Variants in PTPN1 observed in about 807,000 individuals in gnomAD.
PTPN1 encodes protein tyrosine phosphatase non-receptor type 1.
In PTPN1, 12 loss-of-function variants were observed where a neutral mutation model predicts 59.9. The observed-to-expected ratio is 0.20, with a 90% CI of 0.13 to 0.32. The LOEUF (loss-of-function observed/expected upper bound fraction) is 0.32. Ranked by LOEUF, PTPN1 falls within the 10% of genes least tolerant of loss-of-function variation. PTPN1 has a pLI of 1.00. For missense variants in PTPN1, 356 were observed against 549.2 expected, an observed-to-expected ratio of 0.65 and a Z score of 3.52; for synonymous variants, 178 against 203.6, an observed-to-expected ratio of 0.87 and a Z score of 1.07.
At chr20:50,515,615 G>A (rs888373038) in intron 1 of PTPN1, among the ~76,000 whole-genome samples, 1 of 152,082 alleles carries the variant, frequency 6.6e-6, no homozygotes, top group African/African-American at 2.4e-5. Flanking sequence ...TATATCCCAG[G>A]TCTATCTCCA....
chr20:50,582,586 C>A lies in PTPN1; in HGVS notation c.1285-106C>A. 1 of 1,167,224 alleles carries A rather than the reference C, an allele frequency of 8.6e-7. No homozygotes were observed. The highest frequency in any genetic ancestry group is 1.2e-6 in the Non-Finnish European group (1 of 801,510). 72.3% of individuals were successfully genotyped at this position (1,167,224 alleles called of 1,614,324 possible). A position where few individuals can be genotyped will look rare whatever the true frequency, so the allele number is the denominator to read the frequency against. On this transcript the variant is annotated intron_variant, in intron 9 of 9. Coordinates refer to ENST00000371621, the MANE Select transcript of PTPN1 (RefSeq NM_002827.4). The surrounding 1 kb of genome is among the most constrained non-coding windows in gnomAD (Gnocchi z 4.2). ...AAATAAAACCAAAACCCCCTTTGCT[C>A]CCTCGGAGGTTGAAGTTGCCGGGGG...
Position 50,584,389 on chromosome 20 carries a change from G to T in PTPN1, c.*1674G>T, listed in dbSNP as rs957311077. 6.6e-6 allele frequency: 1 copy of T among 152,516 alleles called. No homozygotes were observed. The highest frequency in any genetic ancestry group is 2.4e-5 in the African/African-American group (1 of 41,388). The allele number at this position is 152,516 out of a possible 1,614,324, so 9.4% of individuals were successfully genotyped here. On this transcript the variant is annotated 3_prime_UTR_variant, in exon 10 of 10. Transcript: ENST00000371621. ...TATATAGTAGCATTTCAAAATGGAC[G>T]TACTGGTTTAACCTCCTATCCTTGG...
intron 1 of PTPN1, among the ~76,000 whole-genome samples, chr20:50,543,852 CT>C (rs1040620183): frequency 2.2e-4 from 32 of 148,004 alleles, no homozygotes; most frequent in East Asian, 1.4e-3. Context: ...AACTTTTAAA[CT>C]TTTTTTTTTT....
At chr20:50,554,065 A>C (rs1408194992) in intron 1 of PTPN1, among the ~76,000 whole-genome samples, 3 of 152,192 alleles carry the variant, frequency 2.0e-5, no homozygotes, top group Non-Finnish European at 2.9e-5. Flanking sequence ...AAGCCTACAG[A>C]TTCAAGCATT....
chr20:50,567,532 G>A (rs891004573), intron 3 of PTPN1, among the ~76,000 whole-genome samples: 2 of 152,224 alleles, frequency 1.3e-5, no homozygotes, highest in African/African-American at 4.8e-5. Flanking sequence ...TGATGTGGAG[G>A]TGATAGGCAA....
chr20:50,550,884 T>A (rs1326371890), intron 1 of PTPN1, among the ~76,000 whole-genome samples: 1 of 152,236 alleles, frequency 6.6e-6, no homozygotes, highest in East Asian at 1.9e-4. Context: ...CACCCAGTTG[T>A]GGACCGAGGA....
intron 1 of PTPN1, among the ~76,000 whole-genome samples, chr20:50,539,463 C>G (rs553055167): frequency 1.3e-5 from 2 of 152,108 alleles, no homozygotes; most frequent in African/African-American, 4.8e-5. Context: ...ATTTTAAGGC[C>G]ATTTGGTCTG....
chr20:50,519,908 T>C (rs1408478251), intron 1 of PTPN1, among the ~76,000 whole-genome samples: 1 of 152,228 alleles, frequency 6.6e-6, no homozygotes, highest in Non-Finnish European at 1.5e-5. Context: ...CTAATTTTAG[T>C]CTCTTTTTAC....
chr20:50,539,601 G>A (rs930083556), intron 1 of PTPN1, among the ~76,000 whole-genome samples: 1 of 146,826 alleles, frequency 6.8e-6, no homozygotes, highest in African/African-American at 2.5e-5. Flanking sequence ...GTGACTTAGG[G>A]TTTTTTGTCT....
intron 5 of PTPN1, chr20:50,578,179 T>C (rs2082846559): frequency 2.0e-6 from 1 of 504,022 alleles, no homozygotes. Flanking sequence ...GTGAGGGGAC[T>C]CTTCAATCCG....
intron 4 of PTPN1, chr20:50,573,021 C>T (rs1184612717): frequency 6.6e-6 from 1 of 152,224 alleles, no homozygotes; most frequent in African/African-American, 2.4e-5. Context: ...TCTGGTCTGG[C>T]ACTGTGAAGT....
At chr20:50,548,640 A>G (rs561238087) in intron 1 of PTPN1, among the ~76,000 whole-genome samples, 5 of 152,202 alleles carry the variant, frequency 3.3e-5, no homozygotes, top group Non-Finnish European at 7.4e-5. Flanking sequence ...TCCTGGGCTC[A>G]TGTGATCTGC....
intron 8 of PTPN1, among the ~76,000 whole-genome samples, 155 bp from the exon 9 acceptor site, chr20:50,581,110 C>T (rs1368713955): frequency 1.3e-5 from 2 of 152,168 alleles, no homozygotes; most frequent in African/African-American, 4.8e-5. Flanking sequence ...GGCCCTCCCT[C>T]CAAGCAGAGG....
Position 50,582,574 on chromosome 20 carries a change from A to C in PTPN1, c.1285-118A>C. On this transcript the variant is annotated intron_variant, in intron 9 of 9. Transcript: ENST00000371621. The surrounding 1 kb of genome is among the most constrained non-coding windows in gnomAD (Gnocchi z 4.2). ...GGCTACTGTAAAAAATAAAACCAAA[A>C]CCCCCTTTGCTCCCTCGGAGGTTGA... The C allele has an allele frequency of 9.8e-7, 1 of 1,022,880 alleles. No homozygotes were observed. The highest frequency in any genetic ancestry group is 1.4e-6 in the Non-Finnish European group (1 of 690,486). The allele number at this position is 1,022,880 out of a possible 1,614,324, so 63.4% of individuals were successfully genotyped here.
At chr20:50,564,587 C>CT (rs2122781955) in intron 2 of PTPN1, among the ~76,000 whole-genome samples, 1 of 151,986 alleles carries the variant, frequency 6.6e-6, no homozygotes, top group East Asian at 1.9e-4. Context: ...GAGTGAGACT[C>CT]TTGACTCAAA....
rs112760641 is a variant in PTPN1, at chr20:50,510,459, C to T, written c.-69C>T. On this transcript the variant is annotated 5_prime_UTR_variant, in exon 1 of 10. Coordinates refer to ENST00000371621, the MANE Select transcript of PTPN1 (RefSeq NM_002827.4). ...GCAGCGGGCCTCGGGGCTAAGAGCG[C>T]GACGCGGCCTAGAGCGGCAGACGGC... The T allele has an allele frequency of 6.8e-4, 1,028 of 1,518,132 alleles. 1 individual carries two copies. The African/African-American group carries it at 8.5e-3, about 13-fold the overall frequency. The allele number at this position is 1,518,132 out of a possible 1,614,324, so 94.0% of individuals were successfully genotyped here.
Position 50,510,598 on chromosome 20 carries a change from A to G in PTPN1, c.63+8A>G. 3 of 1,550,518 alleles carry G rather than the reference A, an allele frequency of 1.9e-6. No individual in the cohort carries two copies. The highest frequency in any genetic ancestry group is 2.6e-6 in the Non-Finnish European group (3 of 1,146,450). ...TGGGCGGCCATTTACCAGGTGCGGGAGCGCCCCGGAGCGTGGCGGGCCCTT... is the reference window on the plus strand; with the variant it reads ...TGGGCGGCCATTTACCAGGTGCGGGGGCGCCCCGGAGCGTGGCGGGCCCTT... On this transcript the variant is annotated splice_region_variant and intron_variant, in intron 1 of 9. Coordinates refer to ENST00000371621, the MANE Select transcript of PTPN1 (RefSeq NM_002827.4).
At chr20:50,579,547 T>C (rs1163873079) in intron 7 of PTPN1, among the ~76,000 whole-genome samples, 156 bp from the exon 8 acceptor site, 2 of 152,238 alleles carry the variant, frequency 1.3e-5, no homozygotes, top group African/African-American at 4.8e-5. Context: ...AGACGAGACT[T>C]TATTTTCAAA....
chr20:50,572,504 AG>A, intron 4 of PTPN1: 1 of 152,334 alleles, frequency 6.6e-6, no homozygotes, highest in East Asian at 1.9e-4. Flanking sequence ...CAGATTACAG[AG>A]GGTTATTAAG....
Sources: gnomAD v4.1 joint callset for allele counts (sites outside exome capture counted in the v4.1 genomes callset) on GRCh38, gnomAD v4.1.1 for gene constraint, Gnocchi (gnomAD v3.1) non-coding constraint, MANE v1.5 for transcripts, NCBI Gene and HGNC (gene_info 2026-07-23, HGNC 2026-07-21) for gene names.